The following NFKBIL1 variants were observed in gnomAD, a reference collection of about 807,000 sequenced individuals.
The protein encoded by NFKBIL1 is NFKB inhibitor like 1, also known as NF-kappa-B inhibitor-like protein 1.
In NFKBIL1, 30 loss-of-function variants were observed where a neutral mutation model predicts 45.4. The observed-to-expected ratio is 0.66, with a 90% CI of 0.49 to 0.90. The LOEUF (loss-of-function observed/expected upper bound fraction) is 0.90, where lower values mean the gene tolerates loss of function less well. Ranked by LOEUF, NFKBIL1 falls within the 40% of genes least tolerant of loss-of-function variation. The pLI is 0.00. For synonymous variants in NFKBIL1, 179 were observed against 197.3 expected, an observed-to-expected ratio of 0.91 and a Z score of 0.78; for missense variants, 434 against 513.4, an observed-to-expected ratio of 0.85 and a Z score of 1.49.
At chr6:31,548,766 C>A (rs1769267327) in intron 2 of NFKBIL1, among the ~76,000 whole-genome samples, 1 of 152,158 alleles carries the variant, frequency 6.6e-6, no homozygotes, top group Non-Finnish European at 1.5e-5. Flanking sequence ...GGATTCAAAC[C>A]CCAGCTCCAA....
intron 2 of NFKBIL1, among the ~76,000 whole-genome samples, chr6:31,549,337 T>C (rs3219182): frequency 0.043 from 6,462 of 151,904 alleles, 244 homozygotes; most frequent in South Asian, 0.16. Context: ...CTGCAACCTC[T>C]ACCTCCCAGG....
intron 2 of NFKBIL1, chr6:31,556,855 G>A (rs1769769252): frequency 2.3e-6 from 1 of 434,924 alleles, no homozygotes; most frequent in African/African-American, 2.0e-5. Context: ...GATAATAAAA[G>A]ATAAGTATTA....
At chr6:31,556,235 C>T (rs555878613) in intron 2 of NFKBIL1, among the ~76,000 whole-genome samples, 1 of 152,078 alleles carries the variant, frequency 6.6e-6, no homozygotes, top group Non-Finnish European at 1.5e-5. Context: ...GTGCCCCCCC[C>T]CACCAACCCT....
upstream of NFKBIL1, among the ~76,000 whole-genome samples, chr6:31,547,369 C>A (rs1769099804): frequency 6.6e-6 from 1 of 151,976 alleles, no homozygotes; most frequent in African/African-American, 2.4e-5. Flanking sequence ...CGGGAAAAAA[C>A]CTCCAAATAA....
chr6:31,548,323 G>A lies in NFKBIL1; in HGVS notation c.218G>A (p.Cys73Tyr). The change falls in exon 2 of 4, where the codon TGT (cysteine) becomes TAT (tyrosine). Residue 73 changes from cysteine (C) to tyrosine (Y), a missense_variant. Physicochemically the swap from Cys to Tyr is radical, Grantham distance 194 (BLOSUM62 -2). Transcript: ENST00000376148. ...AGQPPPLHRACARHDAPALCL... is the reference protein window; with the variant it reads ...AGQPPPLHRAYARHDAPALCL... Reference sequence around the variant, plus strand: ...CAGCCCCCACCACTGCACCGGGCCTGTGCCCGCCACGATGCCCCTGCCCTG... The same window carrying A: ...CAGCCCCCACCACTGCACCGGGCCTATGCCCGCCACGATGCCCCTGCCCTG... 6.2e-7 allele frequency: 1 copy of A among 1,601,798 alleles called. No individual in the cohort carries two copies. The highest frequency in any genetic ancestry group is 8.5e-7 in the Non-Finnish European group (1 of 1,174,362).
intron 2 of NFKBIL1, among the ~76,000 whole-genome samples, chr6:31,554,544 C>G (rs1223025193): frequency 6.6e-6 from 1 of 151,428 alleles, no homozygotes; most frequent in Non-Finnish European, 1.5e-5. Context: ...AGAATATGAG[C>G]AATTCATTCA....
chr6:31,557,931 C>T lies in NFKBIL1; in HGVS notation c.556+82C>T. The T allele has an allele frequency of 6.7e-7, 1 of 1,495,596 alleles. No individual in the cohort carries two copies. The highest frequency in any genetic ancestry group is 1.4e-5 in the African/African-American group (1 of 72,394). 92.6% of individuals were successfully genotyped at this position (1,495,596 alleles called of 1,614,324 possible). On this transcript the variant is annotated intron_variant, in intron 3 of 3. Transcript: ENST00000376148. This position sits in a 1 kb window ranked among gnomAD's most constrained non-coding sequence, Gnocchi z 5.4. ...CATGAATGCGTCACACTAGGCTCCT[C>T]TGCCCCCTCCTCTGTGCTTCCCTGC...
intron 2 of NFKBIL1, among the ~76,000 whole-genome samples, chr6:31,555,053 A>C (rs1385862315): frequency 6.6e-6 from 1 of 152,212 alleles, no homozygotes; most frequent in African/African-American, 2.4e-5. Flanking sequence ...TGGGACTGGA[A>C]GGGATCACAG....
chr6:31,547,880 T>A, intron 1 of NFKBIL1, 129 bp downstream of exon 1: 1 of 858,672 alleles, frequency 1.2e-6, no homozygotes, highest in Non-Finnish European at 1.8e-6. Context: ...TGTTAAAAAT[T>A]AAAAATTTAC....
At position 31,547,654 on chromosome 6, in the gene NFKBIL1, C is replaced by T. The variant is rs201458988; in HGVS notation, c.-41C>T. On this transcript the variant is annotated 5_prime_UTR_variant, in exon 1 of 4. Transcript: ENST00000376148. ...AGCTTCTTAAACACAGGCCTTGGGCCTACGGCTCTGGGGGTACTTGGGGGG... is the reference window on the plus strand; with the variant it reads ...AGCTTCTTAAACACAGGCCTTGGGCTTACGGCTCTGGGGGTACTTGGGGGG... 25 of 1,510,690 alleles carry T rather than the reference C, an allele frequency of 1.7e-5. No individual in the cohort carries two copies. Among genetic ancestry groups the T allele is most frequent in the Non-Finnish European group, 2.3e-5 (25 of 1,096,282 alleles). 93.6% of individuals were successfully genotyped at this position (1,510,690 alleles called of 1,614,324 possible). A position where few individuals can be genotyped will look rare whatever the true frequency, so the allele number is the denominator to read the frequency against.
Position 31,558,155 on chromosome 6 carries a change from G to A in NFKBIL1, c.690G>A (p.Glu230=), listed in dbSNP as rs1182580916. 1 of 1,611,482 alleles carries A rather than the reference G, an allele frequency of 6.2e-7. No homozygotes were observed. The highest frequency in any genetic ancestry group is 2.2e-5 in the East Asian group (1 of 44,862). Residue 230 remains glutamate (E), a synonymous_variant, in exon 4 of 4, where the codon GAG becomes GAA. Coordinates refer to ENST00000376148, the MANE Select transcript of NFKBIL1 (RefSeq NM_005007.4). The surrounding 1 kb of genome is among the most constrained non-coding windows in gnomAD (Gnocchi z 7.2). ...AEGSRRPPRA[E]GSSQSWRQQE... ...GATCCCGTCGACCCCCACGTGCTGA[G>A]GGCTCCAGCCAGAGCTGGCGACAGC...
chr6:31,558,752 G>T lies in NFKBIL1; in HGVS notation c.*141G>T. Reference sequence around the variant, plus strand: ...TGGGTGGGAGCGAAAGTTGTAACAAGTGGGGGTGGGGGGTGCGGGCCGCCA... The same window carrying T: ...TGGGTGGGAGCGAAAGTTGTAACAATTGGGGGTGGGGGGTGCGGGCCGCCA... On this transcript the variant is annotated 3_prime_UTR_variant, in exon 4 of 4. Coordinates refer to ENST00000376148, the MANE Select transcript of NFKBIL1 (RefSeq NM_005007.4). The surrounding 1 kb of genome is among the most constrained non-coding windows in gnomAD (Gnocchi z 7.2). 1 of 699,972 alleles carries T rather than the reference G, an allele frequency of 1.4e-6. No homozygotes were observed. Among genetic ancestry groups the T allele is most frequent in the Non-Finnish European group, 2.3e-6 (1 of 435,350 alleles). The allele number at this position is 699,972 out of a possible 1,614,324, so 43.4% of individuals were successfully genotyped here.
rs1245943357 is a variant in NFKBIL1, at chr6:31,547,668, G to T, written c.-27G>T. ...AGGCCTTGGGCCTACGGCTCTGGGG[G>T]TACTTGGGGGGGCGGGGGCAGGTCT... On this transcript the variant is annotated 5_prime_UTR_variant, in exon 1 of 4. Coordinates refer to ENST00000376148, the MANE Select transcript of NFKBIL1 (RefSeq NM_005007.4). 7.6e-6 allele frequency: 12 copies of T among 1,579,638 alleles called. No individual in the cohort carries two copies. The highest frequency in any genetic ancestry group is 1.4e-5 in the African/African-American group (1 of 74,012).
In NFKBIL1 at chr6:31,558,425, G is replaced by A. The variant is rs756698471; in HGVS notation, c.960G>A (p.Arg320=). Residue 320 remains arginine (R), a synonymous_variant, in exon 4 of 4, where the codon AGG becomes AGA. Transcript: ENST00000376148. The surrounding 1 kb of genome is among the most constrained non-coding windows in gnomAD (Gnocchi z 7.2). The stretch of plus-strand genomic sequence containing the variant: ...CCATGGCTGCAGCCCTGGTGGCCAG[G>A]GGCCCCCCTTTGGAGGAACAGGGGG... ...PEAMAAALVA[R]GPPLEEQGAL... The A allele has an allele frequency of 6.4e-7, 1 of 1,551,088 alleles. No homozygotes were observed. Among genetic ancestry groups the A allele is most frequent in the South Asian group, 1.2e-5 (1 of 84,124 alleles).
At position 31,552,223 on chromosome 6, in the gene NFKBIL1, G is replaced by A. The variant is rs188592439; in HGVS notation, c.334+3784G>A. 1.8e-3 allele frequency among the ~76,000 whole-genome samples: 274 copies of A among 152,146 alleles called. 4 individuals are homozygous for A. The highest frequency in any genetic ancestry group is 0.016 in the Admixed American group (247 of 15,266). On this transcript the variant is annotated intron_variant, in intron 2 of 3. Coordinates refer to ENST00000376148, the MANE Select transcript of NFKBIL1 (RefSeq NM_005007.4). ...GTTGGGATTATAGGCATGAGCCACC[G>A]TGCCCATCCCACAGAATGTCTTTTG...
Position 31,558,726 on chromosome 6 carries a change from A to T in NFKBIL1, c.*115A>T. On this transcript the variant is annotated 3_prime_UTR_variant, in exon 4 of 4. Coordinates refer to ENST00000376148, the MANE Select transcript of NFKBIL1 (RefSeq NM_005007.4). The surrounding 1 kb of genome is among the most constrained non-coding windows in gnomAD (Gnocchi z 7.2). Reference sequence around the variant, plus strand: ...AGCCAGGTGCTGCTCAGCAGAGGATATGGGTGGGAGCGAAAGTTGTAACAA... The same window carrying T: ...AGCCAGGTGCTGCTCAGCAGAGGATTTGGGTGGGAGCGAAAGTTGTAACAA... 86 of 683,636 alleles carry T rather than the reference A, an allele frequency of 1.3e-4. No homozygotes were observed. Among genetic ancestry groups the T allele is most frequent in the African/African-American group, 1.5e-4 (8 of 53,318 alleles). The allele number at this position is 683,636 out of a possible 1,614,324, so 42.3% of individuals were successfully genotyped here.
intron 2 of NFKBIL1, among the ~76,000 whole-genome samples, chr6:31,549,549 G>A (rs1769312342): frequency 6.6e-6 from 1 of 150,578 alleles, no homozygotes; most frequent in African/African-American, 2.5e-5. Context: ...ACCACACCTG[G>A]CCTTGTTCCT....
chr6:31,548,404 C>A lies in NFKBIL1; in HGVS notation c.299C>A (p.Thr100Lys). The A allele has an allele frequency of 6.5e-7, 1 of 1,535,330 alleles. No individual in the cohort carries two copies. The highest frequency in any genetic ancestry group is 1.2e-5 in the South Asian group (1 of 80,770). Reference sequence around the variant, plus strand: ...GCCCACCAGGACCGCCATGGGGACACGGCACTGCATGCTGCTGCCCGCCAG... The same window carrying A: ...GCCCACCAGGACCGCCATGGGGACAAGGCACTGCATGCTGCTGCCCGCCAG... ...DPAHQDRHGD[T>K]ALHAAARQGP... Residue 100 changes from threonine to lysine, a missense_variant, in exon 2 of 4, where the codon ACG becomes AAG. By Grantham distance (78) the Thr-to-Lys change is moderately conservative. Coordinates refer to ENST00000376148, the MANE Select transcript of NFKBIL1 (RefSeq NM_005007.4).
chr6:31,546,917 G>A, upstream of NFKBIL1: 1 of 282,792 alleles, frequency 3.5e-6, no homozygotes. This position sits in a 1 kb window ranked among gnomAD's most constrained non-coding sequence, Gnocchi z 4.1. Flanking sequence ...GTGAGAGAAG[G>A]AGAACTTGAT....
Sources: allele counts gnomAD v4.1 joint callset (sites outside exome capture counted in the v4.1 genomes callset), GRCh38; gene constraint gnomAD v4.1.1; non-coding constraint Gnocchi (gnomAD v3.1); transcripts MANE v1.5; gene names NCBI Gene and HGNC (gene_info 2026-07-23, HGNC 2026-07-21).